The following SRBD1 variants were observed in gnomAD, a reference collection of about 807,000 sequenced individuals.
SRBD1 encodes S1 RNA-binding domain-containing protein 1.
Under a neutral mutation model 115.3 loss-of-function variants are expected in SRBD1, and 88 were observed. That is an observed-to-expected ratio of 0.76 (90% confidence interval 0.64 to 0.91). The LOEUF is 0.91. Ranked by LOEUF, SRBD1 falls within the 40% of genes least tolerant of loss-of-function variation. SRBD1 has a pLI of 0.00. For missense variants in SRBD1, 1,385 were observed against 1,177.4 expected (o/e 1.18, Z -2.58); for synonymous variants, 509 against 407.7 (o/e 1.25, Z -2.99).
Position 45,551,198 on chromosome 2 carries a change from A to G in SRBD1, c.1602T>C (p.Val534=), listed in dbSNP as rs747483516. Residue 534 remains valine, a synonymous_variant, in exon 12 of 21, where the codon GTT becomes GTC. Coordinates refer to ENST00000263736, the MANE Select transcript of SRBD1 (RefSeq NM_018079.5). ...NLRQLLLTSP[V]PGRTLMGVDP... ...CCACTCCCATTAAGGTGCGCCCTGGAACAGGGCTTGTTAAAAGGAGCTGAC... is the reference window on the plus strand; with the variant it reads ...CCACTCCCATTAAGGTGCGCCCTGGGACAGGGCTTGTTAAAAGGAGCTGAC... 1 of 1,613,210 alleles carries G rather than the reference A, an allele frequency of 6.2e-7. No individual in the cohort carries two copies. The highest frequency in any genetic ancestry group is 8.5e-7 in the Non-Finnish European group (1 of 1,179,822).
intron 16 of SRBD1, among the ~76,000 whole-genome samples, chr2:45,437,426 T>C (rs147757187): frequency 1.5e-3 from 215 of 144,218 alleles, no homozygotes; most frequent in Non-Finnish European, 2.5e-3. Flanking sequence ...ATACATAGAG[T>C]CAACTGATCT....
intron 15 of SRBD1, among the ~76,000 whole-genome samples, chr2:45,481,622 C>T (rs963737942): frequency 1.3e-5 from 2 of 152,012 alleles, no homozygotes; most frequent in Admixed American, 6.6e-5. Context: ...CAGGCATACA[C>T]TCAGGAGAAA....
At chr2:45,395,764 T>C (rs1159754470) in intron 19 of SRBD1, among the ~76,000 whole-genome samples, 1 of 152,172 alleles carries the variant, frequency 6.6e-6, no homozygotes, top group African/African-American at 2.4e-5. Flanking sequence ...CTTAATGAAT[T>C]TTAAATATAG....
At chr2:45,542,231 C>A (rs1671965213) in intron 14 of SRBD1, among the ~76,000 whole-genome samples, 1 of 152,274 alleles carries the variant, frequency 6.6e-6, no homozygotes, top group Admixed American at 6.5e-5. Context: ...AGTGCAGGCA[C>A]ACCTGTCCAG....
intron 9 of SRBD1, among the ~76,000 whole-genome samples, chr2:45,572,561 A>T (rs890423167): frequency 1.3e-5 from 2 of 152,140 alleles, no homozygotes; most frequent in Non-Finnish European, 2.9e-5. Flanking sequence ...ATATTACAGG[A>T]AGTGCTTCAG....
intron 16 of SRBD1, among the ~76,000 whole-genome samples, chr2:45,476,440 T>C (rs542702688): frequency 6.6e-6 from 1 of 152,334 alleles, no homozygotes; most frequent in Admixed American, 6.5e-5. Flanking sequence ...ACCCAAGCCT[T>C]CTGGAGACAA....
chr2:45,505,687 G>C (rs1250602557), intron 14 of SRBD1, among the ~76,000 whole-genome samples: 2 of 152,108 alleles, frequency 1.3e-5, no homozygotes, highest in African/African-American at 4.8e-5. Context: ...AAGTGTTTTA[G>C]GATCTATTAA....
chr2:45,549,544 A>G (rs1023063111), intron 12 of SRBD1, among the ~76,000 whole-genome samples: 1 of 151,956 alleles, frequency 6.6e-6, no homozygotes, highest in Non-Finnish European at 1.5e-5. Context: ...AGCTTCTTAA[A>G]AAAAAACATT....
intron 20 of SRBD1, 105 bp downstream of exon 20, chr2:45,392,840 G>A: frequency 9.7e-7 from 1 of 1,028,332 alleles, no homozygotes; most frequent in South Asian, 2.4e-5. Flanking sequence ...TAAAATGGGA[G>A]AATAATATCC....
rs1273582322 is a variant in SRBD1, at chr2:45,524,183, CCA to C, written c.1874+22547_1874+22548del. ...CAGGTAAAAAGCATGTAGGAAAAAC[CCA>C]CAGTCAACAACACAATTAATGATGA... is the stretch of plus-strand genomic sequence containing the variant. On this transcript the variant is annotated intron_variant, in intron 14 of 20. Transcript: ENST00000263736. 5.9e-5 allele frequency among the ~76,000 whole-genome samples: 9 copies of C among 151,934 alleles called. No individual in the cohort carries two copies. In the East Asian group the frequency reaches 1.7e-3, roughly 29 times the overall value.
intron 15 of SRBD1, among the ~76,000 whole-genome samples, chr2:45,481,710 A>G (rs1046788498): frequency 5.3e-5 from 8 of 152,190 alleles, no homozygotes; most frequent in Non-Finnish European, 5.9e-5. Flanking sequence ...AAATGTTAAA[A>G]AAAAAATCTA....
In SRBD1 at chr2:45,603,360, AC is replaced by A. The variant is rs529861345; in HGVS notation, c.81-1278del. Among the ~76,000 whole-genome samples the A allele has an allele frequency of 1.1e-3, 172 of 152,124 alleles. No homozygotes were observed. The Middle Eastern group carries it at 0.027, about 24-fold the overall frequency. On this transcript the variant is annotated intron_variant, in intron 2 of 20. Coordinates refer to ENST00000263736, the MANE Select transcript of SRBD1 (RefSeq NM_018079.5). ...TAGAGCATATCCCTTACATACAGGA[AC>A]CCCAGCCCTTGGTTTTCATACTACT... is the stretch of plus-strand genomic sequence containing the variant.
chr2:45,499,852 A>G (rs1453751624), intron 14 of SRBD1, among the ~76,000 whole-genome samples: 1 of 130,218 alleles, frequency 7.7e-6, no homozygotes, highest in East Asian at 1.9e-4. Flanking sequence ...CCATTGGTCT[A>G]TGTGTCTGTT....
chr2:45,468,388 CTTTT>C lies in SRBD1; in HGVS notation c.2049+8601_2049+8604del, dbSNP rs80336252. Among the ~76,000 whole-genome samples the C allele has an allele frequency of 3.2e-4, 44 of 139,186 alleles. No homozygotes were observed. The East Asian group carries it at 7.5e-3, about 24-fold the overall frequency. 91.3% of individuals were successfully genotyped at this position (139,186 alleles called of 152,430 possible). On this transcript the variant is annotated intron_variant, in intron 16 of 20. Transcript: ENST00000263736. ...CTACTATAAATATTGCTTCAATGAA[CTTTT>C]TTTTTTTTTTTTTGACACAGGGTCT...
intron 4 of SRBD1, among the ~76,000 whole-genome samples, chr2:45,596,973 C>G (rs934202584): frequency 7.4e-6 from 1 of 135,342 alleles, no homozygotes; most frequent in Non-Finnish European, 1.6e-5. Flanking sequence ...ACACACACAC[C>G]CACACCCACA....
chr2:45,552,319 C>G (rs749823235), intron 11 of SRBD1, among the ~76,000 whole-genome samples: 19 of 152,122 alleles, frequency 1.2e-4, no homozygotes, highest in Non-Finnish European at 1.9e-4. Flanking sequence ...AACTTATAAA[C>G]TGAAATAAGT....
intron 16 of SRBD1, among the ~76,000 whole-genome samples, chr2:45,435,890 G>A (rs1249546048): frequency 6.6e-6 from 1 of 152,084 alleles, no homozygotes; most frequent in African/African-American, 2.4e-5. Context: ...GAAGCGGAGG[G>A]AATACTTCCT....
intron 19 of SRBD1, among the ~76,000 whole-genome samples, chr2:45,412,643 T>G (rs1466500292): frequency 1.3e-5 from 2 of 152,182 alleles, no homozygotes; most frequent in African/African-American, 2.4e-5. Flanking sequence ...TCCCTTCTAC[T>G]CAAAAACTTC....
intron 19 of SRBD1, among the ~76,000 whole-genome samples, chr2:45,412,625 C>A (rs982958905): frequency 6.6e-6 from 1 of 151,942 alleles, no homozygotes; most frequent in African/African-American, 2.4e-5. Context: ...CTTTTTATAC[C>A]GTAAACTTCC....
Sources: gnomAD v4.1 joint callset for allele counts (sites outside exome capture counted in the v4.1 genomes callset) on GRCh38, gnomAD v4.1.1 for gene constraint, MANE v1.5 for transcripts, NCBI Gene and HGNC (gene_info 2026-07-23, HGNC 2026-07-21) for gene names.